PLCXD3: variants seen among roughly 807,000 people sequenced by gnomAD.
The protein encoded by PLCXD3 is phosphatidylinositol specific phospholipase C X domain containing 3.
A neutral mutation model predicts 25.5 loss-of-function variants in PLCXD3; 19 were observed. The observed-to-expected ratio is 0.75, with a 90% confidence interval of 0.52 to 1.09. The LOEUF (loss-of-function observed/expected upper bound fraction) is 1.09. Among genes scored for constraint, PLCXD3 ranks in the 50% least tolerant of loss-of-function variants. The pLI, the probability that PLCXD3 is intolerant of heterozygous loss-of-function variation, is 0.00. For synonymous variants in PLCXD3, 174 were observed against 137.6 expected (o/e 1.26, Z -1.85); for missense variants, 411 against 388.1 (o/e 1.06, Z -0.50).
intron 2 of PLCXD3, among the ~76,000 whole-genome samples, chr5:41,317,526 C>T (rs1387192321): frequency 6.6e-6 from 1 of 152,024 alleles, no homozygotes; most frequent in East Asian, 1.9e-4. Context: ...AATAAGGCAC[C>T]AGGGACCAAT....
chr5:41,370,283 A>G (rs1745054002), intron 2 of PLCXD3, among the ~76,000 whole-genome samples: 1 of 152,188 alleles, frequency 6.6e-6, no homozygotes, highest in African/African-American at 2.4e-5. Context: ...GAGCCAGAAG[A>G]TCTGTGCTGT....
In PLCXD3 at chr5:41,307,230, T is replaced by C. The variant is rs906627551; in HGVS notation, c.*6387A>G. The C allele has an allele frequency of 2.6e-5, 4 of 152,494 alleles. No homozygotes were observed. The highest frequency in any genetic ancestry group is 6.6e-5 in the Admixed American group (1 of 15,252). The allele number at this position is 152,494 out of a possible 1,614,324, so 9.4% of individuals were successfully genotyped here. ...CAGAAATGAAGCAAATCAACACAAA[T>C]GTGTGTAAGCAGGAGTCATGAGATG... On this transcript the variant is annotated 3_prime_UTR_variant, in exon 3 of 3. Transcript: ENST00000377801.
intron 1 of PLCXD3, among the ~76,000 whole-genome samples, chr5:41,383,716 T>C (rs977225252): frequency 3.3e-5 from 5 of 151,966 alleles, no homozygotes; most frequent in African/African-American, 1.2e-4. Flanking sequence ...TGATTTCCCT[T>C]CCTTGAGGCA....
intron 1 of PLCXD3, among the ~76,000 whole-genome samples, chr5:41,477,619 C>T (rs1451378213): frequency 6.6e-6 from 1 of 152,046 alleles, no homozygotes; most frequent in Admixed American, 6.6e-5. Context: ...AGCCCCCTTA[C>T]ACCATAGTCA....
At chr5:41,320,811 T>C (rs1331530603) in intron 2 of PLCXD3, among the ~76,000 whole-genome samples, 1 of 152,232 alleles carries the variant, frequency 6.6e-6, no homozygotes, top group African/African-American at 2.4e-5. Context: ...TCAATTAATG[T>C]GATACATCAC....
At chr5:41,332,968 T>C (rs537341402) in intron 2 of PLCXD3, among the ~76,000 whole-genome samples, 4 of 152,202 alleles carry the variant, frequency 2.6e-5, no homozygotes, top group African/African-American at 9.6e-5. Context: ...GAGGGAGGGA[T>C]AGCTTTAGGA....
intron 1 of PLCXD3, among the ~76,000 whole-genome samples, chr5:41,492,690 G>C (rs909418544): frequency 6.6e-6 from 1 of 151,128 alleles, no homozygotes; most frequent in Admixed American, 6.6e-5. Context: ...TTCATCTTCC[G>C]TCACTGATAC....
rs1297536841 is a variant in PLCXD3 at position 41,311,794 on chromosome 5, C to T, written c.*1823G>A. ...AGTATTTATAATCTTGAAATCAACT[C>T]TTGATTATTTGTGGTCTTGACATAT... On this transcript the variant is annotated 3_prime_UTR_variant, in exon 3 of 3. Transcript: ENST00000377801. 1 of 152,324 alleles carries T rather than the reference C, an allele frequency of 6.6e-6. No individual in the cohort carries two copies. The highest frequency in any genetic ancestry group is 1.5e-5 in the Non-Finnish European group (1 of 67,992). The allele number at this position is 152,324 out of a possible 1,614,324, so 9.4% of individuals were successfully genotyped here.
chr5:41,448,064 G>A (rs1049654669), intron 1 of PLCXD3, among the ~76,000 whole-genome samples: 3 of 152,190 alleles, frequency 2.0e-5, no homozygotes, highest in African/African-American at 7.2e-5. Context: ...GTAACTGAAA[G>A]CCTCATAACA....
At chr5:41,442,450 C>T (rs997652240) in intron 1 of PLCXD3, among the ~76,000 whole-genome samples, 1 of 152,138 alleles carries the variant, frequency 6.6e-6, no homozygotes, top group African/African-American at 2.4e-5. Context: ...TGCTAACCTG[C>T]CCCAAACACC....
Position 41,382,013 on chromosome 5 carries a change from C to T in PLCXD3, c.625G>A (p.Gly209Arg), listed in dbSNP as rs760798700. Residue 209 changes from glycine (G) to arginine (R), a missense_variant, in exon 2 of 3, where the codon GGG becomes AGG. By Grantham distance (125) the Gly-to-Arg change is moderately radical. Coordinates refer to ENST00000377801, the MANE Select transcript of PLCXD3 (RefSeq NM_001005473.3). Reference sequence around the variant, plus strand: ...GCCCAGGGTGCTGGCATCATCTGCCCAGGCCAGAGAAAGGGCACTTCCAGA... The same window carrying T: ...GCCCAGGGTGCTGGCATCATCTGCCTAGGCCAGAGAAAGGGCACTTCCAGA... ...VALEVPFLWP[G>R]QMMPAPWANT... 1.6e-5 allele frequency: 26 copies of T among 1,613,410 alleles called. No homozygotes were observed. In the South Asian group the frequency reaches 2.3e-4, roughly 14 times the overall value.
rs148637403 is a variant in PLCXD3, at chr5:41,388,441, A to C, written c.104-5907T>G. Among the ~76,000 whole-genome samples, 388 of 152,222 alleles carry C rather than the reference A, an allele frequency of 2.5e-3. 1 individual carries two copies. Among genetic ancestry groups the C allele is most frequent in the African/African-American group, 8.9e-3 (369 of 41,568 alleles). The stretch of plus-strand genomic sequence containing the variant: ...TCCAGGATAGCCAGATACCATATTC[A>C]GTACTCAAGATATTTTTAAAAACAG... On this transcript the variant is annotated intron_variant, in intron 1 of 2. Coordinates refer to ENST00000377801, the MANE Select transcript of PLCXD3 (RefSeq NM_001005473.3).
intron 1 of PLCXD3, among the ~76,000 whole-genome samples, chr5:41,491,332 C>T (rs1748664569): frequency 6.6e-6 from 1 of 152,120 alleles, no homozygotes; most frequent in Non-Finnish European, 1.5e-5. Flanking sequence ...TTTACATTTG[C>T]TGAGGAGAGC....
intron 1 of PLCXD3, among the ~76,000 whole-genome samples, chr5:41,465,255 C>T (rs753582603): frequency 2.3e-4 from 34 of 150,540 alleles, no homozygotes; most frequent in South Asian, 1.5e-3. Context: ...TTCATGGAGG[C>T]CTCAGCATTG....
chr5:41,382,241 T>C lies in PLCXD3; in HGVS notation c.397A>G (p.Thr133Ala), dbSNP rs1745486170. 1 of 1,613,762 alleles carries C rather than the reference T, an allele frequency of 6.2e-7. No homozygotes were observed. The highest frequency in any genetic ancestry group is 8.5e-7 in the Non-Finnish European group (1 of 1,179,770). ...AACACTACCTCCTTATGGTGATCTG[T>C]GAGGAATGCATTGATCTCCTCAAGG... is the stretch of plus-strand genomic sequence containing the variant. ...EGLEEINAFL[T>A]DHHKEVVFLD... Residue 133 changes from threonine (T) to alanine (A), a missense_variant, in exon 2 of 3, where the codon ACA (threonine) becomes GCA (alanine). Thr to Ala is a moderately conservative substitution (Grantham distance 58). Coordinates refer to ENST00000377801, the MANE Select transcript of PLCXD3 (RefSeq NM_001005473.3).
Position 41,405,631 on chromosome 5 carries a change from A to G in PLCXD3, c.104-23097T>C, listed in dbSNP as rs576889377. Reference sequence around the variant, plus strand: ...ATTCCCTGTTCCCACTGCTGCATCTAGCTGTATTAATATAAAAATATTTGA... The same window carrying G: ...ATTCCCTGTTCCCACTGCTGCATCTGGCTGTATTAATATAAAAATATTTGA... On this transcript the variant is annotated intron_variant, in intron 1 of 2. Coordinates refer to ENST00000377801, the MANE Select transcript of PLCXD3 (RefSeq NM_001005473.3). Among the ~76,000 whole-genome samples the G allele has an allele frequency of 3.9e-5, 6 of 152,258 alleles. No homozygotes were observed. The East Asian group carries it at 1.2e-3, about 29-fold the overall frequency.
At chr5:41,422,347 G>A (rs1269935297) in intron 1 of PLCXD3, among the ~76,000 whole-genome samples, 1 of 152,154 alleles carries the variant, frequency 6.6e-6, no homozygotes, top group Non-Finnish European at 1.5e-5. Context: ...GCAGCAATAT[G>A]AACCAGGGTT....
At position 41,312,689 on chromosome 5, in the gene PLCXD3, C is replaced by CT. The variant is rs1404828847; in HGVS notation, c.*927dup. ...CTCCCTCCCTTCCTTTCTTCCTTTC[C>CT]TTCCTTCCTTCCTTCCTTCCTTCCT... On this transcript the variant is annotated 3_prime_UTR_variant, in exon 3 of 3. Transcript: ENST00000377801. 5 of 77,722 alleles carry CT rather than the reference C, an allele frequency of 6.4e-5. No homozygotes were observed. Among genetic ancestry groups the CT allele is most frequent in the South Asian group, 3.6e-4 (1 of 2,760 alleles). The allele number at this position is 77,722 out of a possible 1,614,324, so 4.8% of individuals were successfully genotyped here. A position where few individuals can be genotyped will look rare whatever the true frequency, so the allele number is the denominator to read the frequency against.
Position 41,345,064 on chromosome 5 carries a change from G to A in PLCXD3, c.813-31294C>T, listed in dbSNP as rs138114892. ...ATTACAGCATATAATAGGGAGACTT[G>A]GACACAGTCAAAATAGTCAGGATAT... On this transcript the variant is annotated intron_variant, in intron 2 of 2. Transcript: ENST00000377801. Among the ~76,000 whole-genome samples, 675 of 152,216 alleles carry A rather than the reference G, an allele frequency of 4.4e-3. 3 individuals carry two copies. Among genetic ancestry groups the A allele is most frequent in the South Asian group, 8.1e-3 (39 of 4,826 alleles).
Sources: allele counts gnomAD v4.1 joint callset (sites outside exome capture counted in the v4.1 genomes callset), GRCh38; gene constraint gnomAD v4.1.1; transcripts MANE v1.5; gene names NCBI Gene and HGNC (gene_info 2026-07-23, HGNC 2026-07-21).